EHMT1: variants seen among roughly 807,000 people sequenced by gnomAD.
EHMT1 encodes the protein histone-lysine N-methyltransferase EHMT1.
In EHMT1, 15 loss-of-function variants were observed where a neutral mutation model predicts 147.2. The ratio of observed to expected loss-of-function variants is 0.10; its 90% CI spans 0.07 to 0.16. The LOEUF (loss-of-function observed/expected upper bound fraction) is 0.16. EHMT1 is among the 10% of genes least tolerant of loss of function. EHMT1 has a pLI of 1.00. For missense variants in EHMT1, 1,587 were observed against 1,772.4 expected, an observed-to-expected ratio of 0.90 and a Z score of 1.88; for synonymous variants, 795 against 709.6, an observed-to-expected ratio of 1.12 and a Z score of -1.91.
chr9:137,664,338 C>G (rs146297666), intron 1 of EHMT1, among the ~76,000 whole-genome samples: 2,019 of 150,210 alleles, frequency 0.013, 39 homozygotes, highest in African/African-American at 0.047. Flanking sequence ...GTCGCTCAGG[C>G]TGGAGTGCAG....
At position 137,813,570 on chromosome 9, in the gene EHMT1, A is replaced by G. The variant is rs547640377; in HGVS notation, c.3180+40A>G. 4.3e-6 allele frequency: 7 copies of G among 1,612,042 alleles called. No homozygotes were observed. Among genetic ancestry groups the G allele is most frequent in the Middle Eastern group, 1.6e-4 (1 of 6,062 alleles). On this transcript the variant is annotated intron_variant, in intron 21 of 26. Transcript: ENST00000460843. This position sits in a 1 kb window ranked among gnomAD's most constrained non-coding sequence, Gnocchi z 4.9. ...ATGAAGGGCTGACTCAGGCCAGGAC[A>G]TGGGACAGGCAGAAGCTTCTTGAGC...
At chr9:137,677,218 C>G (rs765955446) in intron 1 of EHMT1, among the ~76,000 whole-genome samples, 1 of 152,060 alleles carries the variant, frequency 6.6e-6, no homozygotes, top group Non-Finnish European at 1.5e-5. Context: ...ATTGCAACCT[C>G]CACCTCCCAG....
chr9:137,804,935 T>C (rs1953800017), intron 18 of EHMT1, among the ~76,000 whole-genome samples: 1 of 152,234 alleles, frequency 6.6e-6, no homozygotes, highest in Admixed American at 6.5e-5. Flanking sequence ...CATTTGCATG[T>C]CTGTCAGTCA....
At chr9:137,648,670 C>T (rs940796846) in intron 1 of EHMT1, among the ~76,000 whole-genome samples, 1 of 152,112 alleles carries the variant, frequency 6.6e-6, no homozygotes, top group Non-Finnish European at 1.5e-5. Flanking sequence ...TCTGGAAATA[C>T]ATTTGTTGTT....
chr9:137,671,381 T>C (rs1169921828), intron 1 of EHMT1, among the ~76,000 whole-genome samples: 1 of 152,188 alleles, frequency 6.6e-6, no homozygotes, highest in Non-Finnish European at 1.5e-5. Context: ...CTCATTTATA[T>C]GTAACAATTC....
rs562161128 is a variant in EHMT1, at chr9:137,817,913, C to T, written c.3462-147C>T. On this transcript the variant is annotated intron_variant, in intron 24 of 26. Transcript: ENST00000460843. ...ACCCTCAGCTGAAACCCCAGTTCAA[C>T]CCTGGGCACACCTCTCTAAACATGT... The T allele has an allele frequency of 1.7e-4, 138 of 800,914 alleles. 1 individual carries two copies. In the South Asian group the frequency reaches 1.9e-3, roughly 11 times the overall value. 49.6% of individuals were successfully genotyped at this position (800,914 alleles called of 1,614,324 possible). A position where few individuals can be genotyped will look rare whatever the true frequency, so the allele number is the denominator to read the frequency against.
chr9:137,803,001 C>T (rs893060588), intron 18 of EHMT1: 14 of 1,231,620 alleles, frequency 1.1e-5, no homozygotes, highest in African/African-American at 1.6e-5. Context: ...AAGGCAGAGG[C>T]CACCCCCAGG....
At chr9:137,702,304 A>G (rs1943905724) in intron 1 of EHMT1, among the ~76,000 whole-genome samples, 1 of 152,226 alleles carries the variant, frequency 6.6e-6, no homozygotes, top group Non-Finnish European at 1.5e-5. Context: ...GAGACAAGGT[A>G]AGTCCCTTCT....
intron 10 of EHMT1, among the ~76,000 whole-genome samples, chr9:137,769,800 T>A (rs1950476098): frequency 6.6e-6 from 1 of 152,226 alleles, no homozygotes; most frequent in East Asian, 1.9e-4. Context: ...TTTAAGAAAT[T>A]CTTAGCCAGC....
At chr9:137,641,950 C>T (rs1315553849) in intron 1 of EHMT1, among the ~76,000 whole-genome samples, 1 of 152,120 alleles carries the variant, frequency 6.6e-6, no homozygotes, top group Non-Finnish European at 1.5e-5. Context: ...AGCTGTTCTC[C>T]TGCCTCAGCC....
intron 7 of EHMT1, 49 bp downstream of exon 7, chr9:137,752,457 C>A (rs769706934): frequency 1.3e-6 from 2 of 1,591,364 alleles, no homozygotes; most frequent in African/African-American, 2.7e-5. Flanking sequence ...AGAGGAGATG[C>A]AAAGACACCA....
intron 18 of EHMT1, among the ~76,000 whole-genome samples, chr9:137,801,592 G>A (rs146743709): frequency 5.3e-5 from 8 of 152,288 alleles, no homozygotes; most frequent in East Asian, 3.9e-4. Flanking sequence ...TCCACCTCCC[G>A]GGTTTAAGTG....
intron 1 of EHMT1, among the ~76,000 whole-genome samples, chr9:137,648,106 A>T (rs1194652563): frequency 1.3e-5 from 2 of 152,108 alleles, no homozygotes; most frequent in African/African-American, 4.8e-5. Context: ...ATTTGTACTT[A>T]TTAAATGTGT....
At chr9:137,725,770 A>T (rs13290032) in intron 3 of EHMT1, among the ~76,000 whole-genome samples, 1 of 151,880 alleles carries the variant, frequency 6.6e-6, no homozygotes, top group Non-Finnish European at 1.5e-5. Flanking sequence ...AGACAGAGAG[A>T]GGTGGAGACC....
chr9:137,676,952 C>CT (rs1287938747), intron 1 of EHMT1, among the ~76,000 whole-genome samples: 5 of 152,066 alleles, frequency 3.3e-5, no homozygotes, highest in Admixed American at 3.3e-4. Context: ...GTGTCCTGTC[C>CT]TCATGTCTAA....
At chr9:137,763,183 C>CTGCCCAGAA (rs764325682) in intron 10 of EHMT1, 11 of 406,988 alleles carry the variant, frequency 2.7e-5, no homozygotes, top group African/African-American at 1.5e-4. Flanking sequence ...CTGCCCAGAA[C>CTGCCCAGAA]TGTGGTTTCC....
At chr9:137,625,654 CT>C (rs957142771) in intron 1 of EHMT1, among the ~76,000 whole-genome samples, 16 of 151,748 alleles carry the variant, frequency 1.1e-4, no homozygotes, top group African/African-American at 3.6e-4. Flanking sequence ...TTATTCTTTA[CT>C]GTTTTCTCTG....
intron 1 of EHMT1, among the ~76,000 whole-genome samples, chr9:137,672,770 A>G (rs1940829096): frequency 6.6e-6 from 1 of 152,210 alleles, no homozygotes; most frequent in Non-Finnish European, 1.5e-5. Context: ...ATCAACATGG[A>G]GATTTTGAAT....
intron 25 of EHMT1, chr9:137,823,492 A>G (rs1588900045): frequency 3.0e-6 from 1 of 330,484 alleles, no homozygotes; most frequent in Non-Finnish European, 5.9e-6. Context: ...GCTCACTGCA[A>G]GCTCCGCCTC....
Sources: gnomAD v4.1 joint callset for allele counts (sites outside exome capture counted in the v4.1 genomes callset) on GRCh38, gnomAD v4.1.1 for gene constraint, Gnocchi (gnomAD v3.1) non-coding constraint, MANE v1.5 for transcripts, NCBI Gene and HGNC (gene_info 2026-07-23, HGNC 2026-07-21) for gene names.